Variants in FAM133B observed in about 807,000 individuals in gnomAD.
FAM133B encodes the protein family with sequence similarity 133 member B.
In FAM133B, 25 loss-of-function variants were observed where a neutral mutation model predicts 46.4. That is an observed-to-expected ratio of 0.54 (90% CI 0.39 to 0.75). The LOEUF is 0.75. Among genes scored for constraint, FAM133B ranks in the 30% least tolerant of loss-of-function variants. FAM133B has a pLI of 0.00. For synonymous variants in FAM133B, 75 were observed against 86.0 expected, an observed-to-expected ratio of 0.87 and a Z score of 0.71; for missense variants, 205 against 277.6, an observed-to-expected ratio of 0.74 and a Z score of 1.86.
chr7:92,588,381 C>T (rs1253011459), intron 1 of FAM133B, among the ~76,000 whole-genome samples: 2 of 152,024 alleles, frequency 1.3e-5, no homozygotes, highest in African/African-American at 4.8e-5. Flanking sequence ...CATTCAAGGC[C>T]CAAGGGTATT....
At chr7:92,588,512 G>A (rs1465457948) in intron 1 of FAM133B, among the ~76,000 whole-genome samples, 2 of 152,202 alleles carry the variant, frequency 1.3e-5, no homozygotes, top group Admixed American at 6.5e-5. Flanking sequence ...ACAGCCAGGA[G>A]AAAGAACAAC....
chr7:92,583,643 C>G (rs996902029), intron 1 of FAM133B, among the ~76,000 whole-genome samples: 2 of 152,098 alleles, frequency 1.3e-5, no homozygotes, highest in African/African-American at 4.8e-5. Context: ...TATTAAAATT[C>G]GCATTGCTAC....
intron 7 of FAM133B, 55 bp downstream of exon 7, chr7:92,577,047 GA>G: frequency 1.7e-6 from 2 of 1,155,056 alleles, no homozygotes; most frequent in Non-Finnish European, 2.3e-6. Context: ...ACTTTAGGCA[GA>G]AAAACTTAAT....
At chr7:92,570,140 T>C (rs1737732087) in intron 8 of FAM133B, among the ~76,000 whole-genome samples, 1 of 152,158 alleles carries the variant, frequency 6.6e-6, no homozygotes. Context: ...GTAATATCCA[T>C]CTTATTTTCT....
In FAM133B at chr7:92,589,851, G is replaced by A. The variant is rs556127694; in HGVS notation, c.24+417C>T. ...CTCCCACTTGGGTGCGCAGGAGAGGGGTGCGGACCTGGGGCGGCCGATACC... is the reference window on the plus strand; with the variant it reads ...CTCCCACTTGGGTGCGCAGGAGAGGAGTGCGGACCTGGGGCGGCCGATACC... On this transcript the variant is annotated intron_variant, in intron 1 of 10. Transcript: ENST00000445716. The A allele has an allele frequency of 3.3e-5, 6 of 179,390 alleles. No homozygotes were observed. In the South Asian group the frequency reaches 8.8e-4, roughly 26 times the overall value. 11.1% of individuals were successfully genotyped at this position (179,390 alleles called of 1,614,324 possible). A position where few individuals can be genotyped will look rare whatever the true frequency, so the allele number is the denominator to read the frequency against.
At position 92,590,333 on chromosome 7, in the gene FAM133B, G is replaced by C. The variant is rs577048372; in HGVS notation, c.-42C>G. 1 of 1,613,206 alleles carries C rather than the reference G, an allele frequency of 6.2e-7. No homozygotes were observed. Among genetic ancestry groups the C allele is most frequent in the Admixed American group, 1.7e-5 (1 of 59,964 alleles). On this transcript the variant is annotated 5_prime_UTR_variant, in exon 1 of 11. Coordinates refer to ENST00000445716, the MANE Select transcript of FAM133B (RefSeq NM_152789.4). ...CACAGTAGCACGCCGAGGGAAACCGGGCCGGAGAGACTGCCGAAGAGGGCC... is the reference window on the plus strand; with the variant it reads ...CACAGTAGCACGCCGAGGGAAACCGCGCCGGAGAGACTGCCGAAGAGGGCC...
intron 8 of FAM133B, among the ~76,000 whole-genome samples, chr7:92,570,709 G>C (rs1474662508): frequency 6.6e-6 from 1 of 152,120 alleles, no homozygotes; most frequent in African/African-American, 2.4e-5. Context: ...TATAGCGTGA[G>C]TCTAATTTTG....
intron 7 of FAM133B, 182 bp from the exon 8 acceptor site, chr7:92,576,003 A>T: frequency 2.8e-6 from 1 of 356,184 alleles, no homozygotes; most frequent in Non-Finnish European, 5.3e-6. Context: ...GTAAGCAAAC[A>T]GGCTTCTTTA....
chr7:92,567,756 A>G (rs1794401693), intron 9 of FAM133B, among the ~76,000 whole-genome samples: 1 of 152,102 alleles, frequency 6.6e-6, no homozygotes, highest in African/African-American at 2.4e-5. Context: ...TCTGTTTACA[A>G]TACAGAAACT....
chr7:92,586,150 C>T (rs1027616344), intron 1 of FAM133B, among the ~76,000 whole-genome samples: 2 of 152,150 alleles, frequency 1.3e-5, no homozygotes, highest in Admixed American at 6.5e-5. Context: ...GCTAGGACTA[C>T]GGGTACAATT....
At chr7:92,567,493 A>T (rs1233751486) in intron 9 of FAM133B, among the ~76,000 whole-genome samples, 1 of 152,226 alleles carries the variant, frequency 6.6e-6, no homozygotes, top group Non-Finnish European at 1.5e-5. Flanking sequence ...ACTAAAAAAA[A>T]TATAACACAT....
chr7:92,566,426 C>A (rs1180761580), intron 9 of FAM133B, among the ~76,000 whole-genome samples: 4 of 151,728 alleles, frequency 2.6e-5, no homozygotes, highest in Non-Finnish European at 4.4e-5. Flanking sequence ...GAGTTCAAGG[C>A]CAGCCTGAGC....
At chr7:92,582,386 A>G (rs1308669258) in intron 1 of FAM133B, among the ~76,000 whole-genome samples, 1 of 152,250 alleles carries the variant, frequency 6.6e-6, no homozygotes, top group African/African-American at 2.4e-5. Context: ...TTCATTGTTT[A>G]TTCAACTACA....
At chr7:92,590,172 C>G in intron 1 of FAM133B, 96 bp downstream of exon 1, 8 of 1,595,518 alleles carry the variant, frequency 5.0e-6, no homozygotes, top group Non-Finnish European at 6.9e-6. Flanking sequence ...TGAGGGCTGC[C>G]GCTTGCCCTC....
At chr7:92,569,335 C>T (rs1236644195) in intron 9 of FAM133B, among the ~76,000 whole-genome samples, 1 of 152,164 alleles carries the variant, frequency 6.6e-6, no homozygotes, top group African/African-American at 2.4e-5. Context: ...CGTAATTTAT[C>T]ATCTCATTTA....
intron 8 of FAM133B, among the ~76,000 whole-genome samples, chr7:92,570,401 T>C (rs973523209): frequency 1.1e-4 from 16 of 152,108 alleles, no homozygotes; most frequent in African/African-American, 3.4e-4. Context: ...GTATTTTTAA[T>C]GTTGAAAAAG....
In FAM133B at chr7:92,590,279, C is replaced by T. The variant is rs1795163930; in HGVS notation, c.13G>A (p.Asp5Asn). The change falls in exon 1 of 11, where the codon GAC (aspartate) becomes AAC (asparagine). Residue 5 changes from aspartate to asparagine, a missense_variant. Coordinates refer to ENST00000445716, the MANE Select transcript of FAM133B (RefSeq NM_152789.4). MGKR[D>N]NRVAYMNPIA... ...GGCTGAGTACTCACCACCCGATTGT[C>T]CCGCTTCCCCATGGTGCTGGATCGA... is the stretch of plus-strand genomic sequence containing the variant. 1 of 1,613,674 alleles carries T rather than the reference C, an allele frequency of 6.2e-7. No individual in the cohort carries two copies. Among genetic ancestry groups the T allele is most frequent in the African/African-American group, 1.3e-5 (1 of 74,932 alleles).
intron 10 of FAM133B, among the ~76,000 whole-genome samples, chr7:92,563,684 A>G (rs1051863863): frequency 3.9e-4 from 60 of 152,220 alleles, no homozygotes; most frequent in African/African-American, 1.4e-3. Flanking sequence ...TCGTAGGCAT[A>G]TCTGAAATTA....
intron 3 of FAM133B, among the ~76,000 whole-genome samples, chr7:92,578,643 T>C (rs994164884): frequency 2.0e-5 from 3 of 152,236 alleles, no homozygotes; most frequent in Admixed American, 6.5e-5. Flanking sequence ...GCATTATTAC[T>C]GAAGCTGAGG....
Sources: gnomAD v4.1 joint callset for allele counts (sites outside exome capture counted in the v4.1 genomes callset) on GRCh38, gnomAD v4.1.1 for gene constraint, MANE v1.5 for transcripts, NCBI Gene and HGNC (gene_info 2026-07-23, HGNC 2026-07-21) for gene names.